Variants in EYS observed in about 807,000 individuals in gnomAD.
EYS encodes the protein EGF-like photoreceptor maintenance factor, also known as protein eyes shut homolog.
Under a neutral mutation model 282.1 loss-of-function variants are expected in EYS, and 250 were observed. The ratio of observed to expected loss-of-function variants is 0.89; its 90% CI spans 0.80 to 0.98. EYS has a LOEUF of 0.98. Ranked by LOEUF, EYS falls within the 50% of genes least tolerant of loss-of-function variation. The pLI, the probability that EYS is intolerant of heterozygous loss-of-function variation, is 0.00. For synonymous variants in EYS, 1,355 were observed against 1,282.9 expected, an observed-to-expected ratio of 1.06 and a Z score of -1.20; for missense variants, 4,016 against 3,709.0, an observed-to-expected ratio of 1.08 and a Z score of -2.15.
intron 7 of EYS, among the ~76,000 whole-genome samples, chr6:65,384,914 A>G (rs1765744325): frequency 6.6e-6 from 1 of 151,902 alleles, no homozygotes; most frequent in Non-Finnish European, 1.5e-5. Context: ...GACAGGATAG[A>G]GTGCCAGTGG....
In EYS at chr6:64,364,773, G is replaced by A. The variant is rs937786640; in HGVS notation, c.6078+23917C>T. Among the ~76,000 whole-genome samples, 5 of 151,792 alleles carry A rather than the reference G, an allele frequency of 3.3e-5. No homozygotes were observed. The East Asian group carries it at 9.7e-4, about 30-fold the overall frequency. ...AAAGGTGGGTGGGTGGGAGTGGGGT[G>A]AGGGATGAAATACTTCCTATTGTGT... On this transcript the variant is annotated intron_variant, in intron 29 of 42. Coordinates refer to ENST00000503581, the MANE Select transcript of EYS (RefSeq NM_001142800.2).
intron 26 of EYS, among the ~76,000 whole-genome samples, chr6:64,539,084 A>G (rs889241481): frequency 6.6e-6 from 1 of 152,228 alleles, no homozygotes; most frequent in African/African-American, 2.4e-5. Context: ...TTCACTTAGC[A>G]TAATGACCTC....
chr6:65,382,457 C>CTGTGTGTGTGTG lies in EYS; in HGVS notation c.1299+1917_1299+1928dup, dbSNP rs55949006. Among the ~76,000 whole-genome samples the CTGTGTGTGTGTG allele has an allele frequency of 2.5e-3, 276 of 111,998 alleles. 1 individual carries two copies. Among genetic ancestry groups the CTGTGTGTGTGTG allele is most frequent in the East Asian group, 8.8e-3 (31 of 3,542 alleles). The allele number at this position is 111,998 out of a possible 152,430, so 73.5% of individuals were successfully genotyped here. ...ATCTATCTTTGAAGTCTCCTTTCCT[C>CTGTGTGTGTGTG]TGTGTGTGTGTGTGTGTGTGTGTGT... On this transcript the variant is annotated intron_variant, in intron 8 of 42. Coordinates refer to ENST00000503581, the MANE Select transcript of EYS (RefSeq NM_001142800.2).
At chr6:64,023,775 A>C (rs1269528735) in intron 33 of EYS, among the ~76,000 whole-genome samples, 1 of 152,070 alleles carries the variant, frequency 6.6e-6, no homozygotes, top group African/African-American at 2.4e-5. Flanking sequence ...GGAGGTGTGG[A>C]GGGACAGGCG....
intron 34 of EYS, among the ~76,000 whole-genome samples, chr6:63,986,009 T>A (rs1365114586): frequency 1.3e-5 from 2 of 151,636 alleles, no homozygotes; most frequent in South Asian, 4.1e-4. Flanking sequence ...TGGGAGAAAA[T>A]TTTTGCAAAC....
intron 39 of EYS, among the ~76,000 whole-genome samples, chr6:63,783,130 C>T (rs1415697137): frequency 3.3e-5 from 5 of 152,228 alleles, no homozygotes; most frequent in East Asian, 3.9e-4. Context: ...GAATAACTCT[C>T]ATTTACAGGG....
intron 19 of EYS, among the ~76,000 whole-genome samples, chr6:64,834,096 C>G (rs1765307808): frequency 1.3e-5 from 2 of 151,818 alleles, no homozygotes; most frequent in Non-Finnish European, 2.9e-5. Context: ...CGAATGCATT[C>G]AAGAGAAACC....
At chr6:65,627,793 G>C (rs1362995297) in intron 2 of EYS, among the ~76,000 whole-genome samples, 1 of 152,190 alleles carries the variant, frequency 6.6e-6, no homozygotes, top group Admixed American at 6.5e-5. Context: ...GGTAGGGCTC[G>C]GGACCTGCAG....
intron 30 of EYS, among the ~76,000 whole-genome samples, chr6:64,243,516 C>G (rs1766906575): frequency 6.6e-6 from 1 of 152,106 alleles, no homozygotes; most frequent in African/African-American, 2.4e-5. Context: ...ATTCAAATAC[C>G]AGACAGGGTA....
chr6:64,223,115 C>T (rs552372694), intron 31 of EYS, among the ~76,000 whole-genome samples: 1 of 152,076 alleles, frequency 6.6e-6, no homozygotes, highest in South Asian at 2.1e-4. Flanking sequence ...CCTTTCTCCA[C>T]TCCCAGTGCA....
At chr6:65,057,958 T>G (rs1325291236) in intron 12 of EYS, among the ~76,000 whole-genome samples, 1 of 152,144 alleles carries the variant, frequency 6.6e-6, no homozygotes, top group Admixed American at 6.6e-5. Context: ...CTTCTGAGTT[T>G]GTAGGCATGC....
chr6:65,424,748 G>A (rs553288697), intron 5 of EYS, among the ~76,000 whole-genome samples: 4 of 152,036 alleles, frequency 2.6e-5, no homozygotes, highest in South Asian at 2.1e-4. Flanking sequence ...GGCATGTACC[G>A]GTTAATGGAT....
chr6:65,163,785 T>C (rs1424512331), intron 12 of EYS, among the ~76,000 whole-genome samples: 1 of 151,308 alleles, frequency 6.6e-6, no homozygotes, highest in Admixed American at 6.6e-5. Flanking sequence ...AAAGTTCAAA[T>C]GACATGGTCC....
chr6:64,318,913 C>T (rs927532849), intron 29 of EYS, among the ~76,000 whole-genome samples: 7 of 151,702 alleles, frequency 4.6e-5, no homozygotes, highest in African/African-American at 1.7e-4. Flanking sequence ...GTTCTATGAG[C>T]GTTCCAATTT....
At chr6:65,590,172 T>A (rs1765183200) in intron 2 of EYS, among the ~76,000 whole-genome samples, 1 of 151,996 alleles carries the variant, frequency 6.6e-6, no homozygotes, top group Non-Finnish European at 1.5e-5. Flanking sequence ...GAGTGTCAAT[T>A]ATAGGCAAAA....
At chr6:65,499,336 T>C (rs1766366576) in intron 2 of EYS, among the ~76,000 whole-genome samples, 1 of 152,042 alleles carries the variant, frequency 6.6e-6, no homozygotes, top group Non-Finnish European at 1.5e-5. Context: ...AGTTGGCATA[T>C]AATAGGCATT....
intron 13 of EYS, among the ~76,000 whole-genome samples, chr6:65,001,610 G>A (rs1428739901): frequency 2.0e-5 from 3 of 147,434 alleles, no homozygotes; most frequent in South Asian, 2.2e-4. Context: ...TTATGGCTAC[G>A]GGTATCCAGG....
chr6:64,813,413 G>A lies in EYS; in HGVS notation c.3408C>T (p.Ile1136=), dbSNP rs763989867. ...LNSVICLNGG[I]CVDGPGHTFD... ...AAGTATGTCCAGGCCCATCAACACA[G>A]ATCCCTCCATTAAGACAGATGACTG... is the stretch of plus-strand genomic sequence containing the variant. The change falls in exon 22 of 43, where the codon ATC becomes ATT. Residue 1136 remains isoleucine, a synonymous_variant. Coordinates refer to ENST00000503581, the MANE Select transcript of EYS (RefSeq NM_001142800.2). 2 of 1,548,950 alleles carry A rather than the reference G, an allele frequency of 1.3e-6. No individual in the cohort carries two copies. Among genetic ancestry groups the A allele is most frequent in the Non-Finnish European group, 8.7e-7 (1 of 1,145,456 alleles).
chr6:63,736,746 A>G lies in EYS; in HGVS notation c.8072-10066T>C, dbSNP rs1489843595. 7.6e-4 allele frequency among the ~76,000 whole-genome samples: 114 copies of G among 150,874 alleles called. 1 individual carries two copies. In the East Asian group the frequency reaches 0.015, roughly 19 times the overall value. Reference sequence around the variant, plus strand: ...ATGGAATGTTCTTCCATTTGTTTGTATCCTCTTTTATTTCATTGAGCAGTG... The same window carrying G: ...ATGGAATGTTCTTCCATTTGTTTGTGTCCTCTTTTATTTCATTGAGCAGTG... On this transcript the variant is annotated intron_variant, in intron 41 of 42. Coordinates refer to ENST00000503581, the MANE Select transcript of EYS (RefSeq NM_001142800.2).
Sources: gnomAD v4.1 joint callset for allele counts (sites outside exome capture counted in the v4.1 genomes callset) on GRCh38, gnomAD v4.1.1 for gene constraint, MANE v1.5 for transcripts, NCBI Gene and HGNC (gene_info 2026-07-23, HGNC 2026-07-21) for gene names.